The following NEIL3 variants were observed in gnomAD, a reference collection of about 807,000 sequenced individuals.
The protein encoded by NEIL3 is endonuclease 8-like 3.
Under a neutral mutation model 57.5 loss-of-function variants are expected in NEIL3, and 48 were observed. That is an observed-to-expected ratio of 0.83 (90% CI 0.66 to 1.06). NEIL3 has a LOEUF of 1.06. NEIL3 is among the 50% of genes least tolerant of loss of function. The pLI is 0.00. For synonymous variants in NEIL3, 261 were observed against 253.2 expected, an observed-to-expected ratio of 1.03 and a Z score of -0.29; for missense variants, 717 against 739.1, an observed-to-expected ratio of 0.97 and a Z score of 0.35.
intron 6 of NEIL3, among the ~76,000 whole-genome samples, chr4:177,351,136 C>T (rs1047943580): frequency 4.5e-5 from 6 of 133,382 alleles, no homozygotes; most frequent in South Asian, 2.5e-4. Flanking sequence ...TCCAGGAGTT[C>T]GAGGCTGCAG....
intron 6 of NEIL3, among the ~76,000 whole-genome samples, chr4:177,348,973 T>C (rs1735292226): frequency 6.9e-6 from 1 of 144,942 alleles, no homozygotes; most frequent in South Asian, 2.3e-4. Flanking sequence ...GTTCACGCCA[T>C]TCTCCTGCCT....
At position 177,318,726 on chromosome 4, in the gene NEIL3, C is replaced by A. The variant is rs544314872; in HGVS notation, c.157-3733C>A. 4.6e-5 allele frequency among the ~76,000 whole-genome samples: 7 copies of A among 152,314 alleles called. No homozygotes were observed. The East Asian group carries it at 1.2e-3, about 25-fold the overall frequency. On this transcript the variant is annotated intron_variant, in intron 1 of 9. Transcript: ENST00000264596. ...AATTGCAACCCGTTGCACCCTCCCCCAATCTTGCTCTCTCCTTTTCATCTC... is the reference window on the plus strand; with the variant it reads ...AATTGCAACCCGTTGCACCCTCCCCAAATCTTGCTCTCTCCTTTTCATCTC...
At chr4:177,323,122 C>T (rs139225046) in intron 2 of NEIL3, among the ~76,000 whole-genome samples, 158 of 152,292 alleles carry the variant, frequency 1.0e-3, no homozygotes, top group South Asian at 7.7e-3. Flanking sequence ...GAAGGACTAG[C>T]AACCTATTTC....
downstream of NEIL3, among the ~76,000 whole-genome samples, chr4:177,366,468 G>C (rs918655827): frequency 2.0e-5 from 3 of 152,052 alleles, no homozygotes; most frequent in Admixed American, 2.0e-4. Flanking sequence ...GCACAATCTC[G>C]GCTCACTGCA....
chr4:177,324,335 A>G (rs1734739513), intron 2 of NEIL3, among the ~76,000 whole-genome samples: 1 of 152,096 alleles, frequency 6.6e-6, no homozygotes, highest in Non-Finnish European at 1.5e-5. Context: ...CACAAGCAAA[A>G]TTGCCCGCAG....
At chr4:177,338,689 C>A (rs1735026141) in intron 4 of NEIL3, among the ~76,000 whole-genome samples, 1 of 152,184 alleles carries the variant, frequency 6.6e-6, no homozygotes, top group Non-Finnish European at 1.5e-5. Flanking sequence ...GAAAAAAATT[C>A]TTCAGTAAGG....
chr4:177,340,427 A>G (rs1735070347), intron 5 of NEIL3, among the ~76,000 whole-genome samples: 1 of 152,248 alleles, frequency 6.6e-6, no homozygotes, highest in Non-Finnish European at 1.5e-5. Context: ...CAATAAACAC[A>G]TCTTTTAAAC....
Position 177,362,712 on chromosome 4 carries a change from G to A in NEIL3, c.*241G>A. 2 of 314,784 alleles carry A rather than the reference G, an allele frequency of 6.4e-6. No individual in the cohort carries two copies. The highest frequency in any genetic ancestry group is 1.7e-4 in the South Asian group (2 of 11,782). The allele number at this position is 314,784 out of a possible 1,614,324, so 19.5% of individuals were successfully genotyped here. A position where few individuals can be genotyped will look rare whatever the true frequency, so the allele number is the denominator to read the frequency against. On this transcript the variant is annotated 3_prime_UTR_variant, in exon 10 of 10. Coordinates refer to ENST00000264596, the MANE Select transcript of NEIL3 (RefSeq NM_018248.3). ...ATACAGCATATTCCATTTAGGATGT[G>A]TATTTAATGCATTTAGTAATGACGA... is the stretch of plus-strand genomic sequence containing the variant.
chr4:177,360,758 C>G (rs559732157), intron 9 of NEIL3, 81 bp downstream of exon 9: 1 of 1,086,534 alleles, frequency 9.2e-7, no homozygotes, highest in African/African-American at 1.6e-5. Context: ...CAATACTTTC[C>G]TAGTTTTACC....
In NEIL3 at chr4:177,351,454, G is replaced by A. The variant is rs139121668; in HGVS notation, c.944G>A (p.Arg315Gln). The change falls in exon 7 of 10, where the codon CGG becomes CAG. Residue 315 changes from arginine (R) to glutamine (Q), a missense_variant. Arg to Gln is a conservative substitution (Grantham distance 43). Transcript: ENST00000264596. ...GATCATGTTATGGACTCCGTGGCTCGGAAGTCGGAAGAGCACTGGACCTGT... is the reference window on the plus strand; with the variant it reads ...GATCATGTTATGGACTCCGTGGCTCAGAAGTCGGAAGAGCACTGGACCTGT... Reference protein sequence around the residue: ...RVDHVMDSVARKSEEHWTCVV... With the variant: ...RVDHVMDSVAQKSEEHWTCVV... 4,528 of 1,613,792 alleles carry A rather than the reference G, an allele frequency of 2.8e-3. 10 individuals are homozygous for A. The highest frequency in any genetic ancestry group is 3.6e-3 in the Non-Finnish European group (4,228 of 1,179,754).
intron 1 of NEIL3, among the ~76,000 whole-genome samples, chr4:177,321,386 A>C (rs2111116463): frequency 6.6e-6 from 1 of 152,280 alleles, no homozygotes; most frequent in African/African-American, 2.4e-5. Flanking sequence ...ATAATTACGC[A>C]TGTCTTAAGT....
At chr4:177,367,312 T>C (rs898282698), downstream of NEIL3, among the ~76,000 whole-genome samples, 15 of 152,180 alleles carry the variant, frequency 9.9e-5, no homozygotes, top group African/African-American at 3.6e-4. Context: ...TGAGGTTTAG[T>C]GTGTAGGTTC....
the NEIL3 span, among the ~76,000 whole-genome samples, chr4:177,370,587 G>C: frequency 6.6e-6 from 1 of 152,202 alleles, no homozygotes; most frequent in Non-Finnish European, 1.5e-5. Flanking sequence ...AGAGTAATGA[G>C]GGAGGAAAAA....
intron 1 of NEIL3, among the ~76,000 whole-genome samples, chr4:177,316,819 G>A (rs1054019331): frequency 5.3e-5 from 8 of 152,164 alleles, no homozygotes; most frequent in Non-Finnish European, 1.0e-4. Flanking sequence ...TAAGTACTAT[G>A]ACAGTGGTTT....
chr4:177,317,136 T>C (rs914257230), intron 1 of NEIL3, among the ~76,000 whole-genome samples: 5 of 152,246 alleles, frequency 3.3e-5, no homozygotes, highest in African/African-American at 1.2e-4. Flanking sequence ...CACTTGCTCT[T>C]CTGTCAACAT....
intron 4 of NEIL3, among the ~76,000 whole-genome samples, chr4:177,337,092 G>GC (rs1553987816): frequency 1.4e-5 from 2 of 147,194 alleles, no homozygotes; most frequent in African/African-American, 5.0e-5. Context: ...TTTATATGTT[G>GC]CAAAAAAAAA....
chr4:177,319,251 A>G (rs1056131421), intron 1 of NEIL3, among the ~76,000 whole-genome samples: 1 of 152,146 alleles, frequency 6.6e-6, no homozygotes, highest in Non-Finnish European at 1.5e-5. Flanking sequence ...TAAAGTCAGA[A>G]CTAAGCAGAA....
chr4:177,353,668 C>A lies in NEIL3; in HGVS notation c.1400C>A (p.Pro467Gln). ...SKLFSPAHKK[P>Q]KTAQYSSPEL... Reference sequence around the variant, plus strand: ...TTATTTAGTCCAGCACATAAAAAACCGAAAACAGCCCAATACTCATCACCA... The same window carrying A: ...TTATTTAGTCCAGCACATAAAAAACAGAAAACAGCCCAATACTCATCACCA... Residue 467 changes from proline (P) to glutamine (Q), a missense_variant, in exon 8 of 10, where the codon CCG becomes CAG. Transcript: ENST00000264596. 1 of 1,613,700 alleles carries A rather than the reference C, an allele frequency of 6.2e-7. No individual in the cohort carries two copies. Among genetic ancestry groups the A allele is most frequent in the South Asian group, 1.1e-5 (1 of 91,050 alleles).
At chr4:177,329,438 T>C (rs1343648761) in intron 2 of NEIL3, among the ~76,000 whole-genome samples, 2 of 151,866 alleles carry the variant, frequency 1.3e-5, no homozygotes, top group African/African-American at 2.4e-5. Flanking sequence ...AAAAGAAAGC[T>C]GGAGTAGCTA....
Sources: gnomAD v4.1 joint callset for allele counts (sites outside exome capture counted in the v4.1 genomes callset) on GRCh38, gnomAD v4.1.1 for gene constraint, MANE v1.5 for transcripts, NCBI Gene and HGNC (gene_info 2026-07-23, HGNC 2026-07-21) for gene names.